Variants in ANKS1B observed in about 807,000 individuals in gnomAD.
ANKS1B encodes ankyrin repeat and sterile alpha motif domain containing 1B.
Under a neutral mutation model 148.3 loss-of-function variants are expected in ANKS1B, and 36 were observed. The observed-to-expected ratio is 0.24, with a 90% CI of 0.19 to 0.32. ANKS1B has a LOEUF of 0.32. ANKS1B is among the 10% of genes least tolerant of loss of function. ANKS1B has a pLI of 1.00. For missense variants in ANKS1B, 1,157 were observed against 1,542.6 expected, an observed-to-expected ratio of 0.75 and a Z score of 4.19; for synonymous variants, 542 against 560.8, an observed-to-expected ratio of 0.97 and a Z score of 0.47.
At chr12:99,484,244 A>T (rs1420608977) in intron 10 of ANKS1B, among the ~76,000 whole-genome samples, 1 of 151,916 alleles carries the variant, frequency 6.6e-6, no homozygotes, top group African/African-American at 2.4e-5. Flanking sequence ...TCTTAATTTC[A>T]TTGTTAGCTC....
chr12:99,947,837 T>C (rs1012247162), intron 1 of ANKS1B, among the ~76,000 whole-genome samples: 14 of 152,208 alleles, frequency 9.2e-5, no homozygotes, highest in South Asian at 2.1e-4. Context: ...ATTTCCTTGC[T>C]GGCTATTGGC....
intron 17 of ANKS1B, among the ~76,000 whole-genome samples, chr12:98,914,158 T>C (rs1244667080): frequency 1.3e-5 from 2 of 152,102 alleles, no homozygotes; most frequent in Non-Finnish European, 2.9e-5. Flanking sequence ...ATCCTCTTGG[T>C]GATGAGTGAG....
intron 12 of ANKS1B, among the ~76,000 whole-genome samples, chr12:99,347,066 G>A (rs2090797968): frequency 1.3e-5 from 2 of 151,984 alleles, no homozygotes; most frequent in Admixed American, 1.3e-4. Flanking sequence ...TGAAAAAACT[G>A]TGGTTGCCTG....
At chr12:99,244,875 G>A (rs561003003) in intron 13 of ANKS1B, among the ~76,000 whole-genome samples, 42 of 152,234 alleles carry the variant, frequency 2.8e-4, no homozygotes, top group Middle Eastern at 6.8e-3. Context: ...TTTTTGTTTC[G>A]ACAGAATCTC....
chr12:99,694,518 G>T (rs944679121), intron 8 of ANKS1B, among the ~76,000 whole-genome samples: 2 of 151,406 alleles, frequency 1.3e-5, no homozygotes, highest in African/African-American at 4.9e-5. Context: ...TCTATATGGA[G>T]TTTCAACAAA....
chr12:99,887,401 T>G lies in ANKS1B; in HGVS notation c.135-62012A>C, dbSNP rs113649063. 9.3e-3 allele frequency among the ~76,000 whole-genome samples: 1,418 copies of G among 152,348 alleles called. 20 individuals carry two copies. Among genetic ancestry groups the G allele is most frequent in the African/African-American group, 0.032 (1,345 of 41,572 alleles). ...CTATGGGTTGGATTAAATAAAATCA[T>G]TATTAAAATTAATATCATCTGTTTC... On this transcript the variant is annotated intron_variant, in intron 1 of 26. Coordinates refer to ENST00000683438, the MANE Select transcript of ANKS1B (RefSeq NM_001352186.2).
chr12:99,478,995 C>T (rs1173671333), intron 10 of ANKS1B, among the ~76,000 whole-genome samples: 1 of 151,858 alleles, frequency 6.6e-6, no homozygotes, highest in African/African-American at 2.4e-5. Flanking sequence ...TATTTCAAAA[C>T]AAAAATTACT....
intron 8 of ANKS1B, among the ~76,000 whole-genome samples, chr12:99,657,254 C>T (rs892771016): frequency 6.6e-6 from 1 of 152,056 alleles, no homozygotes; most frequent in Non-Finnish European, 1.5e-5. Flanking sequence ...ACGAAGCTGG[C>T]AAGTGGCAGA....
chr12:98,759,488 A>C (rs2098347450), intron 25 of ANKS1B, among the ~76,000 whole-genome samples: 1 of 152,196 alleles, frequency 6.6e-6, no homozygotes, highest in Non-Finnish European at 1.5e-5. Flanking sequence ...TATACGCAGC[A>C]TATTCATCGG....
intron 1 of ANKS1B, among the ~76,000 whole-genome samples, chr12:99,981,261 A>G (rs980667691): frequency 5.3e-5 from 8 of 152,088 alleles, no homozygotes; most frequent in African/African-American, 1.9e-4. Flanking sequence ...CTGATAGAAT[A>G]GTGAGGCTTA....
intron 17 of ANKS1B, among the ~76,000 whole-genome samples, chr12:98,856,853 A>G (rs1331570125): frequency 5.3e-5 from 8 of 152,232 alleles, no homozygotes; most frequent in African/African-American, 1.9e-4. Flanking sequence ...CAAAAGAACT[A>G]GAGAACACAA....
Position 99,656,411 on chromosome 12 carries a change from A to G in ANKS1B, c.1129-1201T>C, listed in dbSNP as rs193275595. Among the ~76,000 whole-genome samples the G allele has an allele frequency of 1.4e-4, 21 of 152,288 alleles. 1 individual carries two copies. Among genetic ancestry groups the G allele is most frequent in the Admixed American group, 1.0e-3 (16 of 15,284 alleles). On this transcript the variant is annotated intron_variant, in intron 8 of 26. Transcript: ENST00000683438. ...ACTCACAAGAATCATATATTTGAGA[A>G]AAACCTCTTAACAGACACCAAAATA...
chr12:98,889,884 T>C lies in ANKS1B; in HGVS notation c.2779-57748A>G, dbSNP rs1434382875. On this transcript the variant is annotated intron_variant, in intron 17 of 26. Coordinates refer to ENST00000683438, the MANE Select transcript of ANKS1B (RefSeq NM_001352186.2). ...GCTTACCTGTCATTACTTGAGTCAC[T>C]GTTTGTGTCAAAAATGTAAAAGAGG... Among the ~76,000 whole-genome samples, 3 of 152,216 alleles carry C rather than the reference T, an allele frequency of 2.0e-5. No individual in the cohort carries two copies. The East Asian group carries it at 5.8e-4, about 29-fold the overall frequency.
At chr12:99,127,889 A>G (rs2153743296) in intron 15 of ANKS1B, among the ~76,000 whole-genome samples, 1 of 152,318 alleles carries the variant, frequency 6.6e-6, no homozygotes, top group South Asian at 2.1e-4. Flanking sequence ...TGCTGAGACA[A>G]GGATGAACAC....
At chr12:99,405,595 A>G (rs2094512798) in intron 11 of ANKS1B, among the ~76,000 whole-genome samples, 1 of 145,320 alleles carries the variant, frequency 6.9e-6, no homozygotes, top group South Asian at 2.1e-4. Flanking sequence ...GAAAATCTTC[A>G]CTAAAAGGAA....
chr12:99,794,910 A>G (rs981807085), intron 4 of ANKS1B, among the ~76,000 whole-genome samples: 2 of 152,016 alleles, frequency 1.3e-5, no homozygotes, highest in African/African-American at 4.8e-5. Flanking sequence ...ATTATTGTAC[A>G]TTGCATACAT....
At chr12:99,002,190 T>C (rs2099933399) in intron 17 of ANKS1B, among the ~76,000 whole-genome samples, 1 of 152,208 alleles carries the variant, frequency 6.6e-6, no homozygotes, top group Admixed American at 6.5e-5. Context: ...TTTTATTATA[T>C]AGCAGTGTTG....
At chr12:99,825,434 T>G (rs1206026502) in intron 1 of ANKS1B, 45 bp from the exon 2 acceptor site, 2 of 1,501,326 alleles carry the variant, frequency 1.3e-6, no homozygotes, top group East Asian at 2.3e-5. Context: ...AAGCCAGATC[T>G]TGCCTTGAAA....
At chr12:99,794,957 C>A (rs562223568) in intron 4 of ANKS1B, among the ~76,000 whole-genome samples, 4 of 151,750 alleles carry the variant, frequency 2.6e-5, no homozygotes, top group Admixed American at 2.6e-4. Context: ...AATATATATA[C>A]CTACTATGTA....
Sources: gnomAD v4.1 joint callset for allele counts (sites outside exome capture counted in the v4.1 genomes callset) on GRCh38, gnomAD v4.1.1 for gene constraint, MANE v1.5 for transcripts, NCBI Gene and HGNC (gene_info 2026-07-23, HGNC 2026-07-21) for gene names.